The following ACP6 variants were observed in gnomAD, a reference collection of about 807,000 sequenced individuals.
The protein encoded by ACP6 is acid phosphatase 6, lysophosphatidic, also known as lysophosphatidic acid phosphatase type 6.
A neutral mutation model predicts 48.1 loss-of-function variants in ACP6; 48 were observed. That is an observed-to-expected ratio of 1.00 (90% CI 0.79 to 1.27). The LOEUF (loss-of-function observed/expected upper bound fraction) is 1.27, where lower values mean the gene tolerates loss of function less well. Among genes scored for constraint, ACP6 ranks in the 50% most tolerant of loss-of-function variants. The pLI is 0.00. For missense variants in ACP6, 485 were observed against 529.1 expected, an observed-to-expected ratio of 0.92 and a Z score of 0.82; for synonymous variants, 172 against 204.2, an observed-to-expected ratio of 0.84 and a Z score of 1.34.
rs781889712 is a variant in ACP6, at chr1:147,659,514, C to T, written c.361G>A (p.Ala121Thr). The change falls in exon 3 of 10, where the codon GCT becomes ACT. Residue 121 changes from alanine (A) to threonine (T), a missense_variant. By Grantham distance (58) the Ala-to-Thr change is moderately conservative (BLOSUM62 0). Coordinates refer to ENST00000583509, the MANE Select transcript of ACP6 (RefSeq NM_016361.5). ...HETTLKGGMF[A>T]GQLTKVGMQQ... ...ATGCCCACCTTGGTCAGCTGCCCAG[C>T]AAACATGCCCCCCTAAAGTAGGGAA... 6.2e-7 allele frequency: 1 copy of T among 1,614,120 alleles called. No individual in the cohort carries two copies. Among genetic ancestry groups the T allele is most frequent in the South Asian group, 1.1e-5 (1 of 91,082 alleles).
chr1:147,647,546 G>A lies in ACP6; in HGVS notation c.1164C>T (p.Cys388=). Residue 388 remains cysteine, a synonymous_variant, in exon 10 of 10, where the codon TGC becomes TGT. Transcript: ENST00000583509. ...TGTCCAGCGGGCAGAGCCCATCAGG[G>A]CAACCTCTCGGCACCTGCTCCTGCA... ...YHGKEQVPRG[C]PDGLCPLDMF... 1 of 1,613,338 alleles carries A rather than the reference G, an allele frequency of 6.2e-7. No homozygotes were observed. Among genetic ancestry groups the A allele is most frequent in the Non-Finnish European group, 8.5e-7 (1 of 1,179,964 alleles).
At position 147,646,773 on chromosome 1, in the gene ACP6, C is replaced by T. The variant is rs1369886447; in HGVS notation, c.*650G>A. The stretch of plus-strand genomic sequence containing the variant: ...TTCCATCTCACCACCCAGCAACGTT[C>T]CCTGACCTTGAAGCCTATCCTTTAT... On this transcript the variant is annotated 3_prime_UTR_variant, in exon 10 of 10. Coordinates refer to ENST00000583509, the MANE Select transcript of ACP6 (RefSeq NM_016361.5). 6.6e-6 allele frequency: 1 copy of T among 152,472 alleles called. No individual in the cohort carries two copies. Among genetic ancestry groups the T allele is most frequent in the African/African-American group, 2.4e-5 (1 of 41,436 alleles). 9.4% of individuals were successfully genotyped at this position (152,472 alleles called of 1,614,324 possible). A position where few individuals can be genotyped will look rare whatever the true frequency, so the allele number is the denominator to read the frequency against.
chr1:147,648,428 C>G lies in ACP6; in HGVS notation c.978-17G>C. 6.2e-7 allele frequency: 1 copy of G among 1,613,650 alleles called. No homozygotes were observed. Among genetic ancestry groups the G allele is most frequent in the Non-Finnish European group, 8.5e-7 (1 of 1,179,680 alleles). Reference sequence around the variant, plus strand: ...TACAGCTTTCTGCAAGAGGAAACAGCTCTCCACAATTCTCTGCCTCAGGAC... The same window carrying G: ...TACAGCTTTCTGCAAGAGGAAACAGGTCTCCACAATTCTCTGCCTCAGGAC... On this transcript the variant is annotated splice_polypyrimidine_tract_variant and intron_variant, in intron 8 of 9. Coordinates refer to ENST00000583509, the MANE Select transcript of ACP6 (RefSeq NM_016361.5).
chr1:147,662,216 C>A (rs187948370), intron 1 of ACP6, among the ~76,000 whole-genome samples: 1 of 152,318 alleles, frequency 6.6e-6, no homozygotes, highest in African/African-American at 2.4e-5. Flanking sequence ...TGGAGATGTA[C>A]AAAATTAATA....
downstream of ACP6, among the ~76,000 whole-genome samples, chr1:147,641,422 G>A (rs1186897462): frequency 1.3e-5 from 2 of 152,196 alleles, no homozygotes; most frequent in Admixed American, 6.5e-5. Flanking sequence ...CTTCATCCCA[G>A]GGCCTGCCAG....
In ACP6 at chr1:147,642,667, C is replaced by T. The variant is rs889682180; in HGVS notation, c.*4756G>A. 3.3e-5 allele frequency: 5 copies of T among 152,078 alleles called. No homozygotes were observed. Among genetic ancestry groups the T allele is most frequent in the Non-Finnish European group, 7.3e-5 (5 of 68,032 alleles). 9.4% of individuals were successfully genotyped at this position (152,078 alleles called of 1,614,324 possible). A position where few individuals can be genotyped will look rare whatever the true frequency, so the allele number is the denominator to read the frequency against. On this transcript the variant is annotated 3_prime_UTR_variant, in exon 10 of 10. Coordinates refer to ENST00000583509, the MANE Select transcript of ACP6 (RefSeq NM_016361.5). ...GAAGTGACAGAGGGGATATGTCATT[C>T]AAATGTCCAAGTGTCTGAGCACTGG... is the stretch of plus-strand genomic sequence containing the variant.
At position 147,643,463 on chromosome 1, in the gene ACP6, G is replaced by A. The variant is rs1343465858; in HGVS notation, c.*3960C>T. On this transcript the variant is annotated 3_prime_UTR_variant, in exon 10 of 10. Coordinates refer to ENST00000583509, the MANE Select transcript of ACP6 (RefSeq NM_016361.5). ...ATACCTAAGGCAGGAGGTAGAAGGA[G>A]GGCAAGGAGGGCCTCTCTGAGATGA... The A allele has an allele frequency of 6.6e-6, 1 of 152,174 alleles. No homozygotes were observed. Among genetic ancestry groups the A allele is most frequent in the Non-Finnish European group, 1.5e-5 (1 of 68,078 alleles). 9.4% of individuals were successfully genotyped at this position (152,174 alleles called of 1,614,324 possible). A position where few individuals can be genotyped will look rare whatever the true frequency, so the allele number is the denominator to read the frequency against.
At chr1:147,629,686 T>C (rs901667374) in exon 6 of ACP6, 1 of 152,210 alleles carries the variant, frequency 6.6e-6, no homozygotes, top group Non-Finnish European at 1.5e-5. Flanking sequence ...ATAACACATT[T>C]AAAGCAATAA....
intron 6 of ACP6, among the ~76,000 whole-genome samples, chr1:147,653,271 C>A (rs587614854): frequency 1.6e-4 from 25 of 151,814 alleles, no homozygotes; most frequent in Admixed American, 5.3e-4. Context: ...GCTGGGACTA[C>A]AGACATGCAC....
chr1:147,661,491 T>TC (rs1239556569), intron 1 of ACP6, among the ~76,000 whole-genome samples: 37 of 152,178 alleles, frequency 2.4e-4, no homozygotes, highest in East Asian at 1.4e-3. Context: ...GACTGGTATT[T>TC]CCCCCATCTC....
intron 4 of ACP6, among the ~76,000 whole-genome samples, chr1:147,658,143 A>G (rs1660350096): frequency 6.6e-6 from 1 of 152,246 alleles, no homozygotes; most frequent in Non-Finnish European, 1.5e-5. Context: ...AACTAGCAGC[A>G]GTATCCAACC....
chr1:147,643,183 T>A lies in ACP6; in HGVS notation c.*4240A>T, dbSNP rs782376985. 7 of 152,338 alleles carry A rather than the reference T, an allele frequency of 4.6e-5. No homozygotes were observed. Among genetic ancestry groups the A allele is most frequent in the African/African-American group, 9.6e-5 (4 of 41,580 alleles). The allele number at this position is 152,338 out of a possible 1,614,324, so 9.4% of individuals were successfully genotyped here. On this transcript the variant is annotated 3_prime_UTR_variant, in exon 10 of 10. Transcript: ENST00000583509. ...TTCAGTCCTCAACATCATTGATAGGTTCTTGGAAACTGTAGCTTTAAGTAA... is the reference window on the plus strand; with the variant it reads ...TTCAGTCCTCAACATCATTGATAGGATCTTGGAAACTGTAGCTTTAAGTAA...
intron 3 of ACP6, 115 bp from the exon 4 acceptor site, chr1:147,659,154 G>A: frequency 1.8e-6 from 2 of 1,111,580 alleles, no homozygotes; most frequent in Non-Finnish European, 2.5e-6. Flanking sequence ...GAGAGCTATG[G>A]AACTAGGAAG....
chr1:147,633,000 G>A (rs1659210138), intron 5 of ACP6, among the ~76,000 whole-genome samples: 1 of 152,164 alleles, frequency 6.6e-6, no homozygotes, highest in Non-Finnish European at 1.5e-5. Context: ...AAGAAAGGTA[G>A]AATCGTGGTG....
At chr1:147,635,047 G>C (rs1313091968) in intron 5 of ACP6, among the ~76,000 whole-genome samples, 1 of 152,156 alleles carries the variant, frequency 6.6e-6, no homozygotes, top group African/African-American at 2.4e-5. Flanking sequence ...TTGTTTAAAA[G>C]TCCACTCTAG....
intron 4 of ACP6, among the ~76,000 whole-genome samples, chr1:147,656,409 G>C (rs948640405): frequency 6.6e-6 from 1 of 152,152 alleles, no homozygotes; most frequent in Non-Finnish European, 1.5e-5. Flanking sequence ...TAGTCCACTT[G>C]CATGTCCCAT....
intron 1 of ACP6, among the ~76,000 whole-genome samples, chr1:147,669,552 T>C (rs1306346000): frequency 1.3e-5 from 2 of 152,220 alleles, no homozygotes; most frequent in Admixed American, 6.5e-5. Flanking sequence ...ATCTGCAACG[T>C]AGCAGGATCC....
chr1:147,633,111 A>G (rs587615704), intron 5 of ACP6, among the ~76,000 whole-genome samples: 1 of 152,336 alleles, frequency 6.6e-6, no homozygotes, highest in African/African-American at 2.4e-5. Context: ...GAACATCATT[A>G]GCTCTAATAT....
chr1:147,658,116 C>T (rs1357515887), intron 4 of ACP6, among the ~76,000 whole-genome samples: 2 of 152,226 alleles, frequency 1.3e-5, no homozygotes, highest in Admixed American at 1.3e-4. Context: ...TTGTGTGCAG[C>T]AGCCAACTAC....
Sources: gnomAD v4.1 joint callset for allele counts (sites outside exome capture counted in the v4.1 genomes callset) on GRCh38, gnomAD v4.1.1 for gene constraint, MANE v1.5 for transcripts, NCBI Gene and HGNC (gene_info 2026-07-23, HGNC 2026-07-21) for gene names.